Variants in EIF2AK2 observed in about 807,000 individuals in gnomAD.
The protein encoded by EIF2AK2 is eukaryotic translation initiation factor 2 alpha kinase 2, also known as interferon-induced, double-stranded RNA-activated protein kinase.
A neutral mutation model predicts 70.5 loss-of-function variants in EIF2AK2; 40 were observed. That is an observed-to-expected ratio of 0.57 (90% CI 0.44 to 0.74). The LOEUF is 0.74. Ranked by LOEUF, EIF2AK2 falls within the 30% of genes least tolerant of loss-of-function variation. The pLI is 0.00. For synonymous variants in EIF2AK2, 198 were observed against 220.9 expected (o/e 0.90, Z 0.92); for missense variants, 555 against 644.3 (o/e 0.86, Z 1.50).
At chr2:37,135,354 C>T (rs1675090422) in intron 10 of EIF2AK2, 130 bp downstream of exon 10, 1 of 740,046 alleles carries the variant, frequency 1.4e-6, no homozygotes, top group Non-Finnish European at 2.3e-6. Context: ...GACTATTGTT[C>T]TTACCCTGCG....
rs747151431 is a variant in EIF2AK2 at position 37,126,317 on chromosome 2, C to T, written c.880G>A (p.Val294Ile). ...TTATTATATTTAACACGTTTAATAA[C>T]GTAAGTCTTTCCGTCAATTCTGTGT... ...AKHRIDGKTYVIKRVKYNNEK... is the reference protein window; with the variant it reads ...AKHRIDGKTYIIKRVKYNNEK... Residue 294 changes from valine (V) to isoleucine (I), a missense_variant, in exon 11 of 17, where the codon GTT becomes ATT. By Grantham distance (29) the Val-to-Ile change is conservative. Transcript: ENST00000233057. The T allele has an allele frequency of 7.5e-6, 12 of 1,609,996 alleles. No homozygotes were observed. The highest frequency in any genetic ancestry group is 1.3e-5 in the African/African-American group (1 of 74,642).
In EIF2AK2 at chr2:37,152,891, A is replaced by G. The variant is rs147860839; in HGVS notation, c.-183-3868T>C. Among the ~76,000 whole-genome samples, 318 of 152,318 alleles carry G rather than the reference A, an allele frequency of 2.1e-3. 3 individuals are homozygous for G. Among genetic ancestry groups the G allele is most frequent in the African/African-American group, 7.3e-3 (302 of 41,570 alleles). On this transcript the variant is annotated intron_variant, in intron 1 of 16. Coordinates refer to ENST00000233057, the MANE Select transcript of EIF2AK2 (RefSeq NM_001135651.3). ...GTTTCCTTTCACAGGAAATGAGTCC[A>G]CCATCTATCCAAGTCTGAAAGCCAT...
intron 4 of EIF2AK2, 29 bp from the exon 5 acceptor site, chr2:37,141,730 A>G: frequency 1.3e-6 from 2 of 1,570,820 alleles, no homozygotes; most frequent in African/African-American, 1.4e-5. Flanking sequence ...CCTGTTTAAT[A>G]TAAATGACAA....
chr2:37,146,080 C>T lies in EIF2AK2; in HGVS notation c.240+773G>A, dbSNP rs58138736. On this transcript the variant is annotated intron_variant, in intron 4 of 16. Transcript: ENST00000233057. ...TTTGTCTTTTATACTGTATTTTTAC[C>T]GTACTTTTTCTGTGTTTAGATATGT... Among the ~76,000 whole-genome samples the T allele has an allele frequency of 4.0e-3, 613 of 151,998 alleles. 1 individual carries two copies. The highest frequency in any genetic ancestry group is 0.014 in the African/African-American group (586 of 41,448).
chr2:37,123,609 T>C (rs959929899), intron 11 of EIF2AK2, among the ~76,000 whole-genome samples: 1 of 152,196 alleles, frequency 6.6e-6, no homozygotes, highest in Non-Finnish European at 1.5e-5. Context: ...ATGTTTTGCT[T>C]AGATTTGTGT....
intron 9 of EIF2AK2, 31 bp from the exon 10 acceptor site, chr2:37,135,577 A>T: frequency 1.9e-6 from 3 of 1,553,660 alleles, no homozygotes; most frequent in Non-Finnish European, 1.8e-6. Context: ...GTAAAACTCA[A>T]ATAAAATTGA....
intron 4 of EIF2AK2, among the ~76,000 whole-genome samples, chr2:37,143,570 T>C (rs1221684969): frequency 6.6e-6 from 1 of 152,168 alleles, no homozygotes; most frequent in African/African-American, 2.4e-5. Context: ...CTTGTATTAT[T>C]CCCTAAACAA....
At chr2:37,108,773 T>C (rs963067147) in intron 15 of EIF2AK2, among the ~76,000 whole-genome samples, 1 of 152,204 alleles carries the variant, frequency 6.6e-6, no homozygotes, top group Non-Finnish European at 1.5e-5. Flanking sequence ...TTTCACCACG[T>C]TGGCCAGGCT....
intron 5 of EIF2AK2, among the ~76,000 whole-genome samples, chr2:37,140,967 T>A (rs1323790789): frequency 1.3e-5 from 2 of 152,220 alleles, no homozygotes; most frequent in Non-Finnish European, 2.9e-5. Flanking sequence ...AATCCATTCT[T>A]TATCCTATTT....
chr2:37,122,854 G>T (rs1674603518), intron 11 of EIF2AK2, among the ~76,000 whole-genome samples, 190 bp from the exon 12 acceptor site: 1 of 152,118 alleles, frequency 6.6e-6, no homozygotes, highest in Non-Finnish European at 1.5e-5. Flanking sequence ...AAACATAGCA[G>T]TTCTCACTCT....
chr2:37,130,308 G>C (rs1364720832), intron 10 of EIF2AK2, among the ~76,000 whole-genome samples: 1 of 152,070 alleles, frequency 6.6e-6, no homozygotes, highest in Non-Finnish European at 1.5e-5. Context: ...CCCCATGTTG[G>C]CCTAGACTGG....
At chr2:37,134,319 C>A (rs1044474148) in intron 10 of EIF2AK2, among the ~76,000 whole-genome samples, 1 of 152,192 alleles carries the variant, frequency 6.6e-6, no homozygotes, top group South Asian at 2.1e-4. Context: ...TTACAACAAG[C>A]CTCACTTTGC....
intron 1 of EIF2AK2, among the ~76,000 whole-genome samples, chr2:37,150,890 C>T (rs971564865): frequency 6.6e-6 from 1 of 152,114 alleles, no homozygotes; most frequent in Non-Finnish European, 1.5e-5. Flanking sequence ...AAATTAAGAC[C>T]TCTGTTTATA....
intron 1 of EIF2AK2, among the ~76,000 whole-genome samples, chr2:37,156,312 G>A (rs2148723330): frequency 6.6e-6 from 1 of 152,306 alleles, no homozygotes; most frequent in South Asian, 2.1e-4. Context: ...GATGAGACAG[G>A]AAAGCTACGG....
intron 1 of EIF2AK2, among the ~76,000 whole-genome samples, chr2:37,152,890 C>T (rs535547359): frequency 3.9e-5 from 6 of 152,282 alleles, no homozygotes; most frequent in African/African-American, 1.4e-4. Flanking sequence ...GAAATGAGTC[C>T]ACCATCTATC....
intron 14 of EIF2AK2, among the ~76,000 whole-genome samples, chr2:37,112,768 C>A (rs1674203650): frequency 6.6e-6 from 1 of 152,110 alleles, no homozygotes; most frequent in South Asian, 2.1e-4. Context: ...ATAGACATAA[C>A]ATAAAATTTA....
chr2:37,119,881 T>G, intron 13 of EIF2AK2, 78 bp downstream of exon 13: 1 of 871,710 alleles, frequency 1.1e-6, no homozygotes, highest in Non-Finnish European at 1.5e-6. Context: ...CGTGAGCCAC[T>G]GTGCCCAGCT....
intron 14 of EIF2AK2, among the ~76,000 whole-genome samples, chr2:37,110,163 C>T (rs1572997437): frequency 6.6e-6 from 1 of 151,978 alleles, no homozygotes; most frequent in African/African-American, 2.4e-5. Flanking sequence ...CCCCACCTCC[C>T]AGGTTCAAGC....
chr2:37,150,409 T>A (rs1675701885), intron 1 of EIF2AK2, among the ~76,000 whole-genome samples: 1 of 152,092 alleles, frequency 6.6e-6, no homozygotes, highest in Non-Finnish European at 1.5e-5. Context: ...AATTACAGTG[T>A]ACTAAATATT....
Sources: allele counts gnomAD v4.1 joint callset (sites outside exome capture counted in the v4.1 genomes callset), GRCh38; gene constraint gnomAD v4.1.1; transcripts MANE v1.5; gene names NCBI Gene and HGNC (gene_info 2026-07-23, HGNC 2026-07-21).